APBB2: variants seen among roughly 807,000 people sequenced by gnomAD.
APBB2 encodes the protein Fe65-like 1.
In APBB2, 38 loss-of-function variants were observed where a neutral mutation model predicts 82.5. The observed-to-expected ratio is 0.46, with a 90% CI of 0.36 to 0.60. The LOEUF is 0.60. Ranked by LOEUF, APBB2 falls within the 20% of genes least tolerant of loss-of-function variation. The pLI, the probability that APBB2 is intolerant of heterozygous loss-of-function variation, is 0.00. For synonymous variants in APBB2, 341 were observed against 368.2 expected (o/e 0.93, Z 0.85); for missense variants, 772 against 972.3 (o/e 0.79, Z 2.74).
chr4:40,849,596 A>AATTTC (rs1486598026), intron 12 of APBB2, among the ~76,000 whole-genome samples: 1 of 152,210 alleles, frequency 6.6e-6, no homozygotes, highest in East Asian at 1.9e-4. Flanking sequence ...TTATGGACTG[A>AATTTC]AAAGCTGCCC....
At chr4:40,946,813 G>A (rs1788580032) in intron 6 of APBB2, among the ~76,000 whole-genome samples, 1 of 152,224 alleles carries the variant, frequency 6.6e-6, no homozygotes, top group Admixed American at 6.5e-5. Context: ...GAGAACACGA[G>A]TGGGCCTGGC....
intron 4 of APBB2, among the ~76,000 whole-genome samples, chr4:41,046,809 T>G (rs1723597132): frequency 6.6e-6 from 1 of 152,184 alleles, no homozygotes; most frequent in Admixed American, 6.5e-5. Flanking sequence ...TGCAACACCC[T>G]GGCAGGCTCT....
At chr4:40,846,380 T>G (rs1346697029) in intron 12 of APBB2, among the ~76,000 whole-genome samples, 9 of 151,466 alleles carry the variant, frequency 5.9e-5, no homozygotes, top group African/African-American at 1.9e-4. Flanking sequence ...TACACAATTT[T>G]GGAAGGGGGC....
chr4:41,064,588 C>T (rs1340084569), intron 4 of APBB2, among the ~76,000 whole-genome samples: 2 of 152,142 alleles, frequency 1.3e-5, no homozygotes, highest in Non-Finnish European at 2.9e-5. Flanking sequence ...GACACACTGC[C>T]CTTCATAGAA....
At chr4:41,131,684 G>T (rs1179658158) in intron 2 of APBB2, among the ~76,000 whole-genome samples, 1 of 152,068 alleles carries the variant, frequency 6.6e-6, no homozygotes, top group Non-Finnish European at 1.5e-5. Flanking sequence ...AACCATTTTA[G>T]GAAAATACGT....
At chr4:40,931,931 G>A (rs1022556247) in intron 10 of APBB2, among the ~76,000 whole-genome samples, 3 of 152,034 alleles carry the variant, frequency 2.0e-5, no homozygotes, top group African/African-American at 2.4e-5. Context: ...CTTTAGGAAC[G>A]TAAGACAAAG....
chr4:40,893,134 G>T, intron 11 of APBB2, 131 bp downstream of exon 11: 1 of 1,098,582 alleles, frequency 9.1e-7, no homozygotes, highest in African/African-American at 1.6e-5. Context: ...TACACTTCCT[G>T]CATTAATGGG....
At chr4:40,994,655 A>G (rs1316282873) in intron 6 of APBB2, among the ~76,000 whole-genome samples, 1 of 151,848 alleles carries the variant, frequency 6.6e-6, no homozygotes, top group Non-Finnish European at 1.5e-5. Flanking sequence ...TCTACTAAAA[A>G]TACAAAATAT....
At chr4:40,957,701 A>G (rs1002076647) in intron 6 of APBB2, among the ~76,000 whole-genome samples, 3 of 151,538 alleles carry the variant, frequency 2.0e-5, no homozygotes, top group Non-Finnish European at 4.4e-5. Context: ...CTCCTGCCTC[A>G]GCCTCTCAAG....
intron 1 of APBB2, among the ~76,000 whole-genome samples, chr4:41,202,699 AT>A (rs1201802647): frequency 6.6e-6 from 1 of 152,256 alleles, no homozygotes; most frequent in Admixed American, 6.5e-5. Context: ...CATTTCAAAA[AT>A]TAACTTTCAA....
chr4:41,130,557 C>A (rs1298862157), intron 2 of APBB2, among the ~76,000 whole-genome samples: 1 of 152,180 alleles, frequency 6.6e-6, no homozygotes, highest in African/African-American at 2.4e-5. Flanking sequence ...TCTGTCCCCA[C>A]AGTAAAACAT....
intron 10 of APBB2, among the ~76,000 whole-genome samples, chr4:40,921,529 A>C (rs1781260521): frequency 6.6e-6 from 1 of 152,210 alleles, no homozygotes; most frequent in Non-Finnish European, 1.5e-5. Flanking sequence ...TCGACACTGG[A>C]TGCCCATTCA....
chr4:41,164,755 A>G (rs150699608), intron 1 of APBB2, among the ~76,000 whole-genome samples: 301 of 152,354 alleles, frequency 2.0e-3, no homozygotes, highest in Non-Finnish European at 3.5e-3. Flanking sequence ...TAACATACAT[A>G]CAAAGGGTAA....
At chr4:40,867,745 A>G (rs1764391406) in intron 12 of APBB2, among the ~76,000 whole-genome samples, 2 of 152,194 alleles carry the variant, frequency 1.3e-5, no homozygotes, top group African/African-American at 4.8e-5. Context: ...TTAGCCTACA[A>G]AAAACTTCTC....
intron 3 of APBB2, among the ~76,000 whole-genome samples, chr4:41,082,726 A>C (rs531966143): frequency 6.6e-6 from 1 of 152,232 alleles, no homozygotes; most frequent in South Asian, 2.1e-4. Flanking sequence ...AATTAATGAT[A>C]AAATTAATAA....
At chr4:40,920,589 G>C (rs564791077) in intron 10 of APBB2, among the ~76,000 whole-genome samples, 4 of 152,162 alleles carry the variant, frequency 2.6e-5, no homozygotes, top group Non-Finnish European at 4.4e-5. Context: ...GGGCAGGGCC[G>C]GGCTGGACGC....
At chr4:41,189,097 T>C (rs1045586905) in intron 1 of APBB2, among the ~76,000 whole-genome samples, 10 of 152,172 alleles carry the variant, frequency 6.6e-5, no homozygotes, top group African/African-American at 2.4e-4. Context: ...AGAATATTCA[T>C]AGCATCATTA....
chr4:41,210,339 G>A (rs969491608), intron 1 of APBB2, among the ~76,000 whole-genome samples: 3 of 152,120 alleles, frequency 2.0e-5, no homozygotes, highest in Admixed American at 2.0e-4. Context: ...GGGAAAACAG[G>A]CCCAGAGACA....
chr4:40,941,287 C>A (rs1786847539), intron 7 of APBB2, among the ~76,000 whole-genome samples: 1 of 152,178 alleles, frequency 6.6e-6, no homozygotes, highest in East Asian at 1.9e-4. Flanking sequence ...ATTTAGGAAC[C>A]AAAGAAATGG....
Sources: allele counts gnomAD v4.1 joint callset (sites outside exome capture counted in the v4.1 genomes callset), GRCh38; gene constraint gnomAD v4.1.1; transcripts MANE v1.5; gene names NCBI Gene and HGNC (gene_info 2026-07-23, HGNC 2026-07-21).